COPB2: variants seen among roughly 807,000 people sequenced by gnomAD.
The protein encoded by COPB2 is coatomer subunit beta'.
COPB2 carries 16 observed loss-of-function variants against 120.8 expected under a neutral mutation model. The observed-to-expected ratio is 0.13, with a 90% CI of 0.09 to 0.20. COPB2 has a LOEUF of 0.20. Among genes scored for constraint, COPB2 ranks in the 10% least tolerant of loss-of-function variants. The pLI, the probability that COPB2 is intolerant of heterozygous loss-of-function variation, is 1.00. For synonymous variants in COPB2, 332 were observed against 366.3 expected, an observed-to-expected ratio of 0.91 and a Z score of 1.07; for missense variants, 794 against 1,076.5, an observed-to-expected ratio of 0.74 and a Z score of 3.67.
At chr3:139,358,698 AGT>A in intron 20 of COPB2, 44 bp downstream of exon 20, 1 of 1,321,514 alleles carries the variant, frequency 7.6e-7, no homozygotes, top group South Asian at 1.2e-5. Context: ...AAAAAAAAAA[AGT>A]GAACCATCTC....
intron 13 of COPB2, 134 bp downstream of exon 13, chr3:139,368,011 T>A: frequency 1.1e-6 from 1 of 887,778 alleles, no homozygotes. Context: ...TTTTTCACAT[T>A]TCACCAGAAA....
chr3:139,382,220 C>A (rs1450389157), intron 2 of COPB2: 1 of 152,148 alleles, frequency 6.6e-6, no homozygotes, highest in East Asian at 1.9e-4. Flanking sequence ...GGGTGGATTT[C>A]CCCCTTGCCG....
At position 139,361,222 on chromosome 3, in the gene COPB2, A is replaced by C; in HGVS notation, c.2069T>G (p.Leu690Arg). ...GCCCCCATAATCCTGTGCATGATGC[A>C]GGCACTCCTGGGCTAGGCCAAACTG... ...KCQFGLAQEC[L>R]HHAQDYGGLL... is the part of the protein sequence containing the mutation. Residue 690 changes from leucine to arginine, a missense_variant, in exon 17 of 22, where the codon CTG becomes CGG. Coordinates refer to ENST00000333188, the MANE Select transcript of COPB2 (RefSeq NM_004766.3). 1 of 1,614,236 alleles carries C rather than the reference A, an allele frequency of 6.2e-7. No homozygotes were observed. The highest frequency in any genetic ancestry group is 8.5e-7 in the Non-Finnish European group (1 of 1,180,048).
intron 4 of COPB2, among the ~76,000 whole-genome samples, chr3:139,378,485 A>C (rs1244909956): frequency 6.6e-6 from 1 of 152,216 alleles, no homozygotes; most frequent in Non-Finnish European, 1.5e-5. Context: ...GAGTAATATA[A>C]GTTTGACTAG....
rs147014640 is a variant in COPB2 at position 139,363,390 on chromosome 3, T to C, written c.1885-873A>G. Among the ~76,000 whole-genome samples, 48 of 152,234 alleles carry C rather than the reference T, an allele frequency of 3.2e-4. No individual in the cohort carries two copies. In the East Asian group the frequency reaches 8.7e-3, roughly 28 times the overall value. On this transcript the variant is annotated intron_variant, in intron 15 of 21. Transcript: ENST00000333188. ...TATTGTGAACTGTACATGTGATGGA[T>C]CTAGGTTCTGTGCTCTTTATGAGAC...
At position 139,389,613 on chromosome 3, in the gene COPB2, A is replaced by T. The variant is rs1560024613; in HGVS notation, c.-63T>A. ...ACCGGCTACTCAGGCCTTGAGATAA[A>T]CCCACCGATCCACTGACCGTCAGAC... On this transcript the variant is annotated 5_prime_UTR_variant, in exon 1 of 22. Transcript: ENST00000333188. 16 of 1,491,552 alleles carry T rather than the reference A, an allele frequency of 1.1e-5. No homozygotes were observed. The Admixed American group carries it at 2.8e-4, about 26-fold the overall frequency. The allele number at this position is 1,491,552 out of a possible 1,614,324, so 92.4% of individuals were successfully genotyped here.
chr3:139,377,072 T>TTA (rs1941727270), intron 5 of COPB2, among the ~76,000 whole-genome samples: 2 of 63,924 alleles, frequency 3.1e-5, no homozygotes, highest in South Asian at 5.9e-4. Flanking sequence ...AATATTATGA[T>TTA]AAAAAAAAGA....
chr3:139,373,352 G>A lies in COPB2; in HGVS notation c.955C>T (p.His319Tyr). 1 of 1,614,178 alleles carries A rather than the reference G, an allele frequency of 6.2e-7. No homozygotes were observed. Among genetic ancestry groups the A allele is most frequent in the Non-Finnish European group, 8.5e-7 (1 of 1,180,036 alleles). The change falls in exon 9 of 22, where the codon CAT becomes TAT. Residue 319 changes from histidine (H) to tyrosine (Y), a missense_variant. His to Tyr is a moderately conservative substitution (Grantham distance 83). Transcript: ENST00000333188. Reference sequence around the variant, plus strand: ...AGGTTGGCCTGCTGGACTTCTGAATGCTTGGCCCAAATTATCTTTCCATTG... The same window carrying A: ...AGGTTGGCCTGCTGGACTTCTGAATACTTGGCCCAAATTATCTTTCCATTG... ...DANGKIIWAK[H>Y]SEVQQANLKA...
At position 139,374,857 on chromosome 3, in the gene COPB2, C is replaced by T. The variant is rs113444378; in HGVS notation, c.652-269G>A. ...AGGCTTTTGTCTGAATATTATTCCCCCAAATTCTCAGGATAATAGATTTCC... is the reference window on the plus strand; with the variant it reads ...AGGCTTTTGTCTGAATATTATTCCCTCAAATTCTCAGGATAATAGATTTCC... On this transcript the variant is annotated intron_variant, in intron 6 of 21. Coordinates refer to ENST00000333188, the MANE Select transcript of COPB2 (RefSeq NM_004766.3). Among the ~76,000 whole-genome samples, 10 of 152,178 alleles carry T rather than the reference C, an allele frequency of 6.6e-5. No homozygotes were observed. The South Asian group carries it at 1.2e-3, about 19-fold the overall frequency.
In COPB2 at chr3:139,368,184, A is replaced by G. The variant is rs748889072; in HGVS notation, c.1506T>C (p.His502=). ...SEKVLAAQET[H]EGVTEDGIED... ...CAATGCCATCTTCAGTAACTCCCTCATGTGTTTCCTGTGCAGCCAAGACTT... is the reference window on the plus strand; with the variant it reads ...CAATGCCATCTTCAGTAACTCCCTCGTGTGTTTCCTGTGCAGCCAAGACTT... Residue 502 remains histidine (H), a synonymous_variant, in exon 13 of 22, where the codon CAT becomes CAC. Coordinates refer to ENST00000333188, the MANE Select transcript of COPB2 (RefSeq NM_004766.3). 3 of 1,613,886 alleles carry G rather than the reference A, an allele frequency of 1.9e-6. No homozygotes were observed. The East Asian group carries it at 6.7e-5, about 36-fold the overall frequency.
intron 7 of COPB2, chr3:139,374,129 A>G (rs188697445): frequency 3.8e-5 from 16 of 423,744 alleles, no homozygotes; most frequent in Non-Finnish European, 5.1e-5. Context: ...AAGCAGATAT[A>G]TATGTTTCCA....
At chr3:139,366,184 C>A (rs1347631648) in intron 15 of COPB2, among the ~76,000 whole-genome samples, 4 of 152,144 alleles carry the variant, frequency 2.6e-5, no homozygotes, top group Admixed American at 2.6e-4. Context: ...ACATATGTAA[C>A]TTTGCTTAAA....
At chr3:139,388,959 C>A (rs141470167) in intron 1 of COPB2, among the ~76,000 whole-genome samples, 1 of 152,282 alleles carries the variant, frequency 6.6e-6, no homozygotes, top group African/African-American at 2.4e-5. Context: ...TTACCAGCCA[C>A]TGGATTTGCA....
chr3:139,379,682 CA>C (rs1941772821), intron 2 of COPB2: 2 of 489,098 alleles, frequency 4.1e-6, no homozygotes, highest in East Asian at 7.1e-5. Flanking sequence ...TAAGAGAAGG[CA>C]AATATCCACA....
intron 1 of COPB2, among the ~76,000 whole-genome samples, chr3:139,388,756 G>C (rs1345253802): frequency 6.7e-6 from 1 of 150,134 alleles, no homozygotes; most frequent in Non-Finnish European, 1.5e-5. Context: ...CTCCTGAGTA[G>C]CTGGGACTAC....
At chr3:139,372,121 T>C (rs1220402134) in intron 9 of COPB2, among the ~76,000 whole-genome samples, 1 of 152,200 alleles carries the variant, frequency 6.6e-6, no homozygotes, top group African/African-American at 2.4e-5. Context: ...AAGGTGAGAA[T>C]GGCTGGAAAT....
intron 20 of COPB2, 40 bp downstream of exon 20, chr3:139,358,703 AC>A: frequency 7.1e-7 from 1 of 1,404,706 alleles, no homozygotes; most frequent in Non-Finnish European, 1.0e-6. Flanking sequence ...AAAAAAGTGA[AC>A]CATCTCAGCC....
Position 139,368,297 on chromosome 3 carries a change from C to T in COPB2, c.1402-9G>A. On this transcript the variant is annotated splice_polypyrimidine_tract_variant and intron_variant, in intron 12 of 21. Coordinates refer to ENST00000333188, the MANE Select transcript of COPB2 (RefSeq NM_004766.3). ...GAGTCAGACCAGAAAATCTGCAACA[C>T]AACAAAATCATAGACAACTGATTTG... is the stretch of plus-strand genomic sequence containing the variant. The T allele has an allele frequency of 6.2e-7, 1 of 1,603,688 alleles. No individual in the cohort carries two copies. Among genetic ancestry groups the T allele is most frequent in the Non-Finnish European group, 8.5e-7 (1 of 1,175,990 alleles).
chr3:139,387,528 T>G (rs1264533452), intron 1 of COPB2, among the ~76,000 whole-genome samples: 3 of 152,192 alleles, frequency 2.0e-5, no homozygotes, highest in Non-Finnish European at 1.5e-5. Context: ...CATTCTTTCC[T>G]AGGGAATCCT....
Sources: allele counts gnomAD v4.1 joint callset (sites outside exome capture counted in the v4.1 genomes callset), GRCh38; gene constraint gnomAD v4.1.1; transcripts MANE v1.5; gene names NCBI Gene and HGNC (gene_info 2026-07-23, HGNC 2026-07-21).